CDK14: variants seen among roughly 807,000 people sequenced by gnomAD.
CDK14 encodes cyclin-dependent kinase 14.
CDK14 carries 34 observed loss-of-function variants against 60.7 expected under a neutral mutation model. The ratio of observed to expected loss-of-function variants is 0.56; its 90% CI spans 0.43 to 0.75. The LOEUF is 0.75. Ranked by LOEUF, CDK14 falls within the 30% of genes least tolerant of loss-of-function variation. The pLI, the probability that CDK14 is intolerant of heterozygous loss-of-function variation, is 0.00. For missense variants in CDK14, 482 were observed against 564.1 expected (o/e 0.85, Z 1.47); for synonymous variants, 197 against 203.7 (o/e 0.97, Z 0.28).
At chr7:90,728,688 C>G (rs968331362) in intron 3 of CDK14, among the ~76,000 whole-genome samples, 15 of 151,956 alleles carry the variant, frequency 9.9e-5, no homozygotes, top group African/African-American at 3.1e-4. Flanking sequence ...CTCTGCCTTA[C>G]CTGTTGAGAT....
At chr7:91,152,752 T>G (rs1800860523) in intron 14 of CDK14, among the ~76,000 whole-genome samples, 1 of 152,064 alleles carries the variant, frequency 6.6e-6, no homozygotes, top group South Asian at 2.1e-4. Context: ...TGTGAAAAAA[T>G]ATGATGTAGG....
At chr7:90,690,569 T>C (rs531942606) in intron 2 of CDK14, among the ~76,000 whole-genome samples, 2 of 152,160 alleles carry the variant, frequency 1.3e-5, no homozygotes, top group Non-Finnish European at 2.9e-5. Context: ...CACAACTTAA[T>C]TTATTTCATC....
intron 3 of CDK14, among the ~76,000 whole-genome samples, chr7:90,731,773 A>G (rs1351612637): frequency 6.6e-6 from 1 of 152,202 alleles, no homozygotes; most frequent in African/African-American, 2.4e-5. Flanking sequence ...ATATACAATC[A>G]TGTCTCTGCA....
intron 6 of CDK14, among the ~76,000 whole-genome samples, chr7:90,875,299 T>G (rs1791519455): frequency 6.6e-6 from 1 of 152,258 alleles, no homozygotes; most frequent in Non-Finnish European, 1.5e-5. Context: ...TTGGCTGTTG[T>G]GAATAGTGCT....
chr7:90,627,986 C>G (rs559367637), intron 2 of CDK14, among the ~76,000 whole-genome samples: 2 of 152,300 alleles, frequency 1.3e-5, no homozygotes, highest in East Asian at 3.9e-4. Context: ...GAGACAGGGT[C>G]TTGCTCTACT....
At position 90,633,191 on chromosome 7, in the gene CDK14, G is replaced by A. The variant is rs138968255; in HGVS notation, c.123+28942G>A. Among the ~76,000 whole-genome samples, 10 of 151,924 alleles carry A rather than the reference G, an allele frequency of 6.6e-5. No homozygotes were observed. The East Asian group carries it at 1.7e-3, about 26-fold the overall frequency. On this transcript the variant is annotated intron_variant, in intron 2 of 14. Transcript: ENST00000380050. Reference sequence around the variant, plus strand: ...AATTAATGAAAATGTGTTCATTTACGTAAGTATGGAGACTTTTGCATTTTG... The same window carrying A: ...AATTAATGAAAATGTGTTCATTTACATAAGTATGGAGACTTTTGCATTTTG...
intron 9 of CDK14, among the ~76,000 whole-genome samples, chr7:90,969,669 G>C (rs751797957): frequency 3.3e-5 from 5 of 152,054 alleles, no homozygotes; most frequent in Non-Finnish European, 1.5e-5. Context: ...CTTAGAGAAG[G>C]GCCGTTATTG....
rs773739162 is a variant in CDK14 at position 90,878,777 on chromosome 7, G to A, written c.639+15508G>A. Among the ~76,000 whole-genome samples the A allele has an allele frequency of 1.6e-4, 24 of 152,262 alleles. No homozygotes were observed. The Middle Eastern group carries it at 0.014, about 86-fold the overall frequency. The stretch of plus-strand genomic sequence containing the variant: ...TTCTAGAAAAGTTAACTTTAGATGA[G>A]AAGTAATTTTAAAAAAAGAGAGAAG... On this transcript the variant is annotated intron_variant, in intron 6 of 14. Transcript: ENST00000380050.
chr7:91,185,638 G>A (rs1802153401), intron 14 of CDK14, among the ~76,000 whole-genome samples: 1 of 151,870 alleles, frequency 6.6e-6, no homozygotes, highest in Admixed American at 6.6e-5. Flanking sequence ...TACCTAGAGA[G>A]AGCATAGAAT....
chr7:90,766,692 G>A (rs116019069), intron 4 of CDK14, among the ~76,000 whole-genome samples: 3,321 of 152,188 alleles, frequency 0.022, 51 homozygotes, highest in African/African-American at 0.03. Flanking sequence ...TAAGGTCCAG[G>A]GTCAGGTTTG....
intron 10 of CDK14, among the ~76,000 whole-genome samples, chr7:91,028,106 C>T (rs1796652225): frequency 6.7e-6 from 1 of 150,336 alleles, no homozygotes; most frequent in Non-Finnish European, 1.5e-5. Context: ...CTTTTGCATA[C>T]CTATAGCTTA....
intron 14 of CDK14, among the ~76,000 whole-genome samples, chr7:91,179,792 G>T (rs1167657353): frequency 6.6e-6 from 1 of 151,112 alleles, no homozygotes; most frequent in Non-Finnish European, 1.5e-5. Context: ...GACAGAGCGA[G>T]ACTCCGTCTC....
intron 5 of CDK14, among the ~76,000 whole-genome samples, chr7:90,806,283 G>C (rs1382015818): frequency 6.6e-6 from 1 of 151,916 alleles, no homozygotes; most frequent in African/African-American, 2.4e-5. Flanking sequence ...TCAATAAATT[G>C]GAGTTGTCCT....
intron 5 of CDK14, among the ~76,000 whole-genome samples, chr7:90,817,534 A>C (rs1789396892): frequency 6.6e-6 from 1 of 152,200 alleles, no homozygotes; most frequent in Non-Finnish European, 1.5e-5. Context: ...AAAATTATTT[A>C]GGATTATAAA....
chr7:91,100,383 T>A (rs564252637), intron 12 of CDK14, among the ~76,000 whole-genome samples: 1 of 152,320 alleles, frequency 6.6e-6, no homozygotes, highest in Non-Finnish European at 1.5e-5. Context: ...AAAAGCAATG[T>A]AGTGAAGCAG....
At chr7:90,672,699 A>T (rs1406725379) in intron 2 of CDK14, among the ~76,000 whole-genome samples, 3 of 150,748 alleles carry the variant, frequency 2.0e-5, no homozygotes, top group African/African-American at 7.3e-5. Context: ...TTTTATTTTT[A>T]GTTTTGTAGA....
At chr7:90,855,153 T>C (rs1204145461) in intron 5 of CDK14, among the ~76,000 whole-genome samples, 2 of 152,182 alleles carry the variant, frequency 1.3e-5, no homozygotes, top group African/African-American at 4.8e-5. Context: ...AAAGTAACTA[T>C]TTAGAAAAGA....
chr7:90,650,772 G>A (rs1800618008), intron 2 of CDK14, among the ~76,000 whole-genome samples: 1 of 152,144 alleles, frequency 6.6e-6, no homozygotes, highest in South Asian at 2.1e-4. Flanking sequence ...TGTTGTAGAT[G>A]TGTGGTGTTA....
At chr7:90,648,239 G>C (rs1160515628) in intron 2 of CDK14, among the ~76,000 whole-genome samples, 1 of 152,060 alleles carries the variant, frequency 6.6e-6, no homozygotes, top group Non-Finnish European at 1.5e-5. Flanking sequence ...CTTGCACAAT[G>C]CCTCACTCAC....
Sources: allele counts gnomAD v4.1 joint callset (sites outside exome capture counted in the v4.1 genomes callset), GRCh38; gene constraint gnomAD v4.1.1; transcripts MANE v1.5; gene names NCBI Gene and HGNC (gene_info 2026-07-23, HGNC 2026-07-21).